Variants in PARVA observed in about 807,000 individuals in gnomAD.
PARVA encodes the protein parvin alpha.
A neutral mutation model predicts 52.6 loss-of-function variants in PARVA; 25 were observed. The observed-to-expected ratio is 0.48, with a 90% CI of 0.35 to 0.66. The LOEUF (loss-of-function observed/expected upper bound fraction) is 0.66, where lower values mean the gene tolerates loss of function less well. PARVA is among the 30% of genes least tolerant of loss of function. The pLI, the probability that PARVA is intolerant of heterozygous loss-of-function variation, is 0.01. For synonymous variants in PARVA, 185 were observed against 179.1 expected (o/e 1.03, Z -0.26); for missense variants, 373 against 450.9 (o/e 0.83, Z 1.56).
chr11:12,396,055 C>G (rs1448266534), intron 1 of PARVA, among the ~76,000 whole-genome samples: 1 of 152,134 alleles, frequency 6.6e-6, no homozygotes, highest in Non-Finnish European at 1.5e-5. Context: ...CACCTAGGGA[C>G]CTCCATATAT....
chr11:12,533,231 AGG>A lies in PARVA; in HGVS notation c.*5309_*5310del, dbSNP rs1405662745. Among the ~76,000 whole-genome samples the A allele has an allele frequency of 4.6e-3, 701 of 152,310 alleles. 3 individuals carry two copies. Among genetic ancestry groups the A allele is most frequent in the African/African-American group, 0.015 (636 of 41,558 alleles). ...CTGCATGTGTGGAGGGAATGAAATAAGGGGCCTACCAGGCCAGAACGCTGATC... is the reference window on the plus strand; with the variant it reads ...CTGCATGTGTGGAGGGAATGAAATAAGGCCTACCAGGCCAGAACGCTGATC... On this transcript the variant is annotated 3_prime_UTR_variant, in exon 13 of 13. Transcript: ENST00000334956.
intron 1 of PARVA, among the ~76,000 whole-genome samples, chr11:12,454,658 A>G (rs1940671953): frequency 6.6e-6 from 1 of 152,094 alleles, no homozygotes; most frequent in Non-Finnish European, 1.5e-5. Context: ...TACACTACCA[A>G]TGCACCCAGC....
At chr11:12,448,256 G>C (rs932029107) in intron 1 of PARVA, among the ~76,000 whole-genome samples, 1 of 152,182 alleles carries the variant, frequency 6.6e-6, no homozygotes, top group Non-Finnish European at 1.5e-5. Flanking sequence ...GGCTAGGATT[G>C]CACTAGGATT....
intron 1 of PARVA, among the ~76,000 whole-genome samples, chr11:12,384,354 A>G (rs76479157): frequency 0.055 from 8,383 of 152,212 alleles, 706 homozygotes; most frequent in African/African-American, 0.19. Flanking sequence ...TTCAGCAACT[A>G]TTTATTGAGT....
chr11:12,413,425 A>G (rs1375127239), intron 1 of PARVA, among the ~76,000 whole-genome samples: 1 of 152,256 alleles, frequency 6.6e-6, no homozygotes, highest in Non-Finnish European at 1.5e-5. Flanking sequence ...TAATAATGAC[A>G]AAAGGATGAG....
chr11:12,458,582 C>T (rs925514523), intron 1 of PARVA, among the ~76,000 whole-genome samples: 1 of 142,192 alleles, frequency 7.0e-6, no homozygotes, highest in African/African-American at 2.7e-5. Context: ...TACTAACTCC[C>T]CACCAGTTTC....
chr11:12,430,474 C>T lies in PARVA; in HGVS notation c.137-43271C>T, dbSNP rs1384407398. 6.6e-5 allele frequency among the ~76,000 whole-genome samples: 10 copies of T among 152,266 alleles called. No homozygotes were observed. The South Asian group carries it at 1.2e-3, about 19-fold the overall frequency. On this transcript the variant is annotated intron_variant, in intron 1 of 12. Transcript: ENST00000334956. ...CCTCTTTGGGTGAGTGAGTACCTTTCGTCACCTTGCCCCTCCTGGACACAC... is the reference window on the plus strand; with the variant it reads ...CCTCTTTGGGTGAGTGAGTACCTTTTGTCACCTTGCCCCTCCTGGACACAC...
chr11:12,514,673 G>C (rs1941547220), intron 10 of PARVA, among the ~76,000 whole-genome samples: 1 of 152,160 alleles, frequency 6.6e-6, no homozygotes, highest in South Asian at 2.1e-4. Flanking sequence ...ATTTAGTAGA[G>C]ACGGGGTTTC....
chr11:12,426,100 CG>C (rs1448169242), intron 1 of PARVA, among the ~76,000 whole-genome samples: 1 of 152,058 alleles, frequency 6.6e-6, no homozygotes, highest in African/African-American at 2.4e-5. Context: ...CCGGGGGAGA[CG>C]TATTAAACAA....
chr11:12,409,828 G>A (rs1939969189), intron 1 of PARVA, among the ~76,000 whole-genome samples: 1 of 152,226 alleles, frequency 6.6e-6, no homozygotes, highest in Non-Finnish European at 1.5e-5. Context: ...TTGGAAGCAA[G>A]TACGAAGTTT....
At chr11:12,387,393 G>A (rs1939587679) in intron 1 of PARVA, among the ~76,000 whole-genome samples, 1 of 152,106 alleles carries the variant, frequency 6.6e-6, no homozygotes, top group African/African-American at 2.4e-5. Context: ...ATACTACCTA[G>A]TACTTAACCA....
rs1407068953 is a variant in PARVA, at chr11:12,533,986, G to T, written c.*6061G>T. The stretch of plus-strand genomic sequence containing the variant: ...GATTGAGACTATCCTGGCTAATATG[G>T]TGAAACCCCGTCTGTACTAAAAATA... On this transcript the variant is annotated 3_prime_UTR_variant, in exon 13 of 13. Coordinates refer to ENST00000334956, the MANE Select transcript of PARVA (RefSeq NM_018222.5). 6.6e-6 allele frequency among the ~76,000 whole-genome samples: 1 copy of T among 152,102 alleles called. No individual in the cohort carries two copies. The highest frequency in any genetic ancestry group is 1.5e-5 in the Non-Finnish European group (1 of 68,024).
chr11:12,482,172 AG>A (rs1466299459), intron 4 of PARVA, among the ~76,000 whole-genome samples: 3 of 151,046 alleles, frequency 2.0e-5, no homozygotes, highest in Non-Finnish European at 4.4e-5. Context: ...AAAAAAAAAA[AG>A]AAAAAGAAAA....
intron 9 of PARVA, 187 bp from the exon 10 acceptor site, chr11:12,513,810 C>T (rs892374977): frequency 4.9e-6 from 3 of 611,502 alleles, no homozygotes; most frequent in South Asian, 1.9e-5. Context: ...ACTGCAAAGT[C>T]GAGCCTGTGG....
intron 1 of PARVA, among the ~76,000 whole-genome samples, chr11:12,447,472 T>G (rs564675226): frequency 4.6e-4 from 70 of 152,300 alleles, no homozygotes; most frequent in Admixed American, 8.5e-4. Context: ...GCCCGGTAGA[T>G]ATGGTCCCAG....
intron 4 of PARVA, among the ~76,000 whole-genome samples, chr11:12,485,575 C>G (rs977902578): frequency 6.6e-6 from 1 of 152,140 alleles, no homozygotes; most frequent in Non-Finnish European, 1.5e-5. Flanking sequence ...TTAATAATAG[C>G]AGTATTGGAT....
At chr11:12,413,793 A>G (rs1275181630) in intron 1 of PARVA, among the ~76,000 whole-genome samples, 1 of 152,236 alleles carries the variant, frequency 6.6e-6, no homozygotes, top group Non-Finnish European at 1.5e-5. Flanking sequence ...AGAGCCCAGA[A>G]CCAAACTTGG....
At chr11:12,427,872 A>G (rs1459897114) in intron 1 of PARVA, among the ~76,000 whole-genome samples, 2 of 152,164 alleles carry the variant, frequency 1.3e-5, no homozygotes, top group Non-Finnish European at 2.9e-5. Context: ...CCTGTTCCCG[A>G]TTTCTAGGTA....
chr11:12,522,394 G>A (rs1941647501), intron 12 of PARVA, among the ~76,000 whole-genome samples: 1 of 149,962 alleles, frequency 6.7e-6, no homozygotes, highest in Non-Finnish European at 1.5e-5. Flanking sequence ...ACCTACCAGA[G>A]GTAGACAACA....
Sources: allele counts gnomAD v4.1 joint callset (sites outside exome capture counted in the v4.1 genomes callset), GRCh38; gene constraint gnomAD v4.1.1; transcripts MANE v1.5; gene names NCBI Gene and HGNC (gene_info 2026-07-23, HGNC 2026-07-21).